Variants in ZNF280D observed in about 807,000 individuals in gnomAD.
The protein encoded by ZNF280D is suppressor of hairy wing homolog 4.
ZNF280D carries 39 observed loss-of-function variants against 94.7 expected under a neutral mutation model. The ratio of observed to expected loss-of-function variants is 0.41; its 90% confidence interval spans 0.32 to 0.54. ZNF280D has a LOEUF of 0.54. Ranked by LOEUF, ZNF280D falls within the 20% of genes least tolerant of loss-of-function variation. ZNF280D has a pLI of 0.22. For synonymous variants in ZNF280D, 398 were observed against 377.6 expected, an observed-to-expected ratio of 1.05 and a Z score of -0.63; for missense variants, 1,090 against 1,149.3, an observed-to-expected ratio of 0.95 and a Z score of 0.75.
chr15:56,685,495 A>G (rs1880038966), intron 9 of ZNF280D, among the ~76,000 whole-genome samples: 1 of 152,148 alleles, frequency 6.6e-6, no homozygotes, highest in Admixed American at 6.6e-5. Context: ...CAGTTCATAA[A>G]GGAATATCAG....
intron 7 of ZNF280D, among the ~76,000 whole-genome samples, chr15:56,690,513 T>A (rs1198342368): frequency 6.6e-6 from 1 of 152,230 alleles, no homozygotes; most frequent in East Asian, 1.9e-4. Context: ...TTTTAGAGAA[T>A]ATATTGAGCA....
At chr15:56,665,969 C>T (rs2054261521) in intron 16 of ZNF280D, among the ~76,000 whole-genome samples, 1 of 151,996 alleles carries the variant, frequency 6.6e-6, no homozygotes, top group Admixed American at 6.6e-5. Flanking sequence ...AACCCTGTCT[C>T]TACTAAAAAT....
intron 9 of ZNF280D, among the ~76,000 whole-genome samples, chr15:56,686,513 A>G (rs1466446815): frequency 1.3e-5 from 2 of 152,220 alleles, no homozygotes; most frequent in South Asian, 2.1e-4. Context: ...AAATTGCAAT[A>G]TATGAAAGAA....
At chr15:56,682,910 T>C (rs1368560124) in intron 9 of ZNF280D, among the ~76,000 whole-genome samples, 1 of 152,038 alleles carries the variant, frequency 6.6e-6, no homozygotes, top group Admixed American at 6.6e-5. Flanking sequence ...TAAAGCCTGG[T>C]TGAGGAAAAA....
At chr15:56,639,488 T>C (rs1329370785) in intron 20 of ZNF280D, among the ~76,000 whole-genome samples, 1 of 152,056 alleles carries the variant, frequency 6.6e-6, no homozygotes, top group Admixed American at 6.6e-5. Flanking sequence ...GAAAAAAGGA[T>C]GGGTGAACAT....
At chr15:56,725,410 AT>A (rs1332292640) in intron 1 of ZNF280D, among the ~76,000 whole-genome samples, 2 of 152,218 alleles carry the variant, frequency 1.3e-5, no homozygotes, top group African/African-American at 4.8e-5. Flanking sequence ...AGCAGCACAT[AT>A]TAATATATTT....
intron 19 of ZNF280D, chr15:56,653,046 G>T: frequency 1.0e-6 from 1 of 969,478 alleles, no homozygotes; most frequent in Non-Finnish European, 1.2e-6. Flanking sequence ...GCAAGAATCG[G>T]TATTGTTAAA....
intron 16 of ZNF280D, among the ~76,000 whole-genome samples, chr15:56,661,795 AAATT>A (rs567672848): frequency 8.2e-4 from 125 of 152,346 alleles, no homozygotes; most frequent in Admixed American, 2.0e-3. Flanking sequence ...GACAACTTAG[AAATT>A]AATAGCTATC....
rs184156442 is a variant in ZNF280D, at chr15:56,723,181, A to T, written c.-86+10277T>A. ...CAGCATGGCACATGTATACGTATGT[A>T]ACTAACCTGCACAATGTGCACATGT... On this transcript the variant is annotated intron_variant, in intron 1 of 21. Coordinates refer to ENST00000267807, the MANE Select transcript of ZNF280D (RefSeq NM_017661.4). Among the ~76,000 whole-genome samples, 553 of 152,208 alleles carry T rather than the reference A, an allele frequency of 3.6e-3. 19 individuals carry two copies. The East Asian group carries it at 0.075, about 21-fold the overall frequency.
intron 1 of ZNF280D, among the ~76,000 whole-genome samples, chr15:56,720,012 G>T (rs2058265653): frequency 6.6e-6 from 1 of 151,972 alleles, no homozygotes. Context: ...GTGGCTGGCT[G>T]AAGGTTGGGG....
intron 4 of ZNF280D, among the ~76,000 whole-genome samples, chr15:56,701,887 C>T (rs1279885149): frequency 2.6e-5 from 4 of 152,022 alleles, no homozygotes; most frequent in African/African-American, 9.7e-5. Flanking sequence ...CTGAGCCTGC[C>T]ATGACTTTGA....
intron 1 of ZNF280D, among the ~76,000 whole-genome samples, chr15:56,711,987 T>C (rs531339261): frequency 3.2e-4 from 49 of 152,278 alleles, no homozygotes; most frequent in African/African-American, 1.2e-3. Context: ...GTAATAGGAA[T>C]TTTTCAGTCC....
chr15:56,653,950 C>T, intron 19 of ZNF280D: 1 of 1,368,154 alleles, frequency 7.3e-7, no homozygotes, highest in Middle Eastern at 2.8e-4. Flanking sequence ...GTGTCATGAA[C>T]TTGGCTGCTC....
rs1400809520 is a variant in ZNF280D at position 56,700,092 on chromosome 15, G to A, written c.381+841C>T. Reference sequence around the variant, plus strand: ...CAACACTGTTGACCCTCAAACCTCTGAAAGGGTCTTGGGGAACCCCAGGGG... The same window carrying A: ...CAACACTGTTGACCCTCAAACCTCTAAAAGGGTCTTGGGGAACCCCAGGGG... On this transcript the variant is annotated intron_variant, in intron 6 of 21. Transcript: ENST00000267807. 4 of 573,628 alleles carry A rather than the reference G, an allele frequency of 7.0e-6. No individual in the cohort carries two copies. The African/African-American group carries it at 8.1e-5, about 12-fold the overall frequency. The allele number at this position is 573,628 out of a possible 1,614,324, so 35.5% of individuals were successfully genotyped here.
intron 6 of ZNF280D, 175 bp downstream of exon 6, chr15:56,700,758 A>G (rs2057011998): frequency 2.0e-6 from 3 of 1,495,374 alleles, no homozygotes; most frequent in Admixed American, 2.2e-5. Context: ...TCCTTCAGTT[A>G]TTACTTGGGG....
At position 56,706,434 on chromosome 15, in the gene ZNF280D, T is replaced by C. The variant is rs896178613; in HGVS notation, c.28+648A>G. Among the ~76,000 whole-genome samples the C allele has an allele frequency of 4.0e-5, 6 of 151,856 alleles. No individual in the cohort carries two copies. In the South Asian group the frequency reaches 1.0e-3, roughly 26 times the overall value. On this transcript the variant is annotated intron_variant, in intron 3 of 21. Coordinates refer to ENST00000267807, the MANE Select transcript of ZNF280D (RefSeq NM_017661.4). ...AGGAGGTTGCAATGAGCCGAGGTCA[T>C]GCCACTGCACTCCAGCCTGGGTGAC... is the stretch of plus-strand genomic sequence containing the variant.
chr15:56,688,880 GA>G (rs756113798), intron 9 of ZNF280D, 160 bp downstream of exon 9: 11 of 439,520 alleles, frequency 2.5e-5, no homozygotes, highest in Admixed American at 1.6e-4. Flanking sequence ...GATTTAGAAG[GA>G]ATTTGAGAAT....
intron 13 of ZNF280D, among the ~76,000 whole-genome samples, chr15:56,673,686 C>T (rs1441866781): frequency 6.6e-6 from 1 of 151,922 alleles, no homozygotes; most frequent in African/African-American, 2.4e-5. Context: ...CATTCTATTG[C>T]TATAACCTCA....
chr15:56,680,463 C>A (rs1257169649), intron 10 of ZNF280D, among the ~76,000 whole-genome samples: 1 of 151,752 alleles, frequency 6.6e-6, no homozygotes, highest in African/African-American at 2.4e-5. Context: ...TAAACATAAC[C>A]AAAAAAATGA....
Sources: allele counts gnomAD v4.1 joint callset (sites outside exome capture counted in the v4.1 genomes callset), GRCh38; gene constraint gnomAD v4.1.1; transcripts MANE v1.5; gene names NCBI Gene and HGNC (gene_info 2026-07-23, HGNC 2026-07-21).